The following UVRAG variants were observed in gnomAD, a reference collection of about 807,000 sequenced individuals.
UVRAG encodes UV radiation resistance-associated gene protein.
A neutral mutation model predicts 78.0 loss-of-function variants in UVRAG; 19 were observed. That is an observed-to-expected ratio of 0.24 (90% CI 0.17 to 0.36). The LOEUF (loss-of-function observed/expected upper bound fraction) is 0.36, where lower values mean the gene tolerates loss of function less well. Among genes scored for constraint, UVRAG ranks in the 10% least tolerant of loss-of-function variants. The pLI, the probability that UVRAG is intolerant of heterozygous loss-of-function variation, is 1.00. For missense variants in UVRAG, 740 were observed against 853.8 expected, an observed-to-expected ratio of 0.87 and a Z score of 1.66; for synonymous variants, 323 against 324.6, an observed-to-expected ratio of 1.00 and a Z score of 0.05.
chr11:76,102,273 C>T (rs949187984), intron 13 of UVRAG, among the ~76,000 whole-genome samples: 3 of 152,122 alleles, frequency 2.0e-5, no homozygotes, highest in South Asian at 4.1e-4. Flanking sequence ...TTTTAATTCT[C>T]CTACTAGAGA....
intron 6 of UVRAG, among the ~76,000 whole-genome samples, chr11:75,947,811 C>T (rs1357752928): frequency 2.0e-5 from 3 of 152,096 alleles, no homozygotes; most frequent in South Asian, 2.1e-4. Flanking sequence ...GGAATGATTA[C>T]GTCTATGGAT....
chr11:75,819,340 T>C (rs1221360407), intron 1 of UVRAG, among the ~76,000 whole-genome samples: 1 of 151,528 alleles, frequency 6.6e-6, no homozygotes. Context: ...TTTTTTACAC[T>C]TTTTTTTTGT....
At chr11:75,878,643 G>A (rs1197139443) in intron 3 of UVRAG, among the ~76,000 whole-genome samples, 1 of 152,206 alleles carries the variant, frequency 6.6e-6, no homozygotes, top group Non-Finnish European at 1.5e-5. Flanking sequence ...CGGATCACTC[G>A]CGGTTAGGAG....
chr11:76,076,769 A>C (rs1266315637), intron 13 of UVRAG, among the ~76,000 whole-genome samples: 1 of 152,014 alleles, frequency 6.6e-6, no homozygotes, highest in Non-Finnish European at 1.5e-5. Flanking sequence ...AGAAATAACT[A>C]TTCCAACCCT....
chr11:75,980,799 A>C (rs1442662768), intron 7 of UVRAG, among the ~76,000 whole-genome samples: 3 of 151,064 alleles, frequency 2.0e-5, no homozygotes, highest in African/African-American at 7.3e-5. Context: ...CTCCTGCCTC[A>C]GCCTCTCAAG....
At chr11:76,022,404 G>A (rs1050247882) in intron 12 of UVRAG, among the ~76,000 whole-genome samples, 11 of 152,192 alleles carry the variant, frequency 7.2e-5, no homozygotes, top group Admixed American at 5.9e-4. Context: ...TCAACTATTA[G>A]TGTAAAACTG....
intron 8 of UVRAG, among the ~76,000 whole-genome samples, chr11:75,993,868 G>A (rs1949658144): frequency 1.3e-5 from 2 of 152,152 alleles, no homozygotes; most frequent in Admixed American, 1.3e-4. Context: ...GGTGGAAGGT[G>A]AAGCCAGTAC....
intron 1 of UVRAG, among the ~76,000 whole-genome samples, chr11:75,829,272 G>A (rs538494727): frequency 6.6e-6 from 1 of 152,088 alleles, no homozygotes; most frequent in African/African-American, 2.4e-5. Flanking sequence ...GCAAATTAGT[G>A]CATTTTTTAA....
chr11:76,140,491 A>G lies in UVRAG; in HGVS notation c.1398-220A>G, dbSNP rs1952695920. Among the ~76,000 whole-genome samples the G allele has an allele frequency of 4.6e-5, 7 of 152,186 alleles. No individual in the cohort carries two copies. The South Asian group carries it at 1.5e-3, about 32-fold the overall frequency. On this transcript the variant is annotated intron_variant, in intron 14 of 14. Transcript: ENST00000356136. ...GGGCCCTCTTCTCTAAATATATTGCAGTGTGTCTGTATCCTGCTGGAAGGA... is the reference window on the plus strand; with the variant it reads ...GGGCCCTCTTCTCTAAATATATTGCGGTGTGTCTGTATCCTGCTGGAAGGA...
intron 6 of UVRAG, among the ~76,000 whole-genome samples, chr11:75,923,500 A>G (rs1359606821): frequency 1.3e-5 from 2 of 152,176 alleles, no homozygotes; most frequent in African/African-American, 4.8e-5. Flanking sequence ...CGCTGGGAAG[A>G]TGAAAGGTAT....
intron 12 of UVRAG, 116 bp downstream of exon 12, chr11:76,017,096 A>T: frequency 1.5e-6 from 1 of 647,890 alleles, no homozygotes; most frequent in Non-Finnish European, 2.3e-6. Flanking sequence ...TAACCTTTGT[A>T]GAGTGCCTCA....
intron 14 of UVRAG, among the ~76,000 whole-genome samples, chr11:76,136,950 T>G (rs530154702): frequency 1.1e-4 from 16 of 152,372 alleles, no homozygotes; most frequent in African/African-American, 3.6e-4. Flanking sequence ...CCTGTAAAAC[T>G]ATTGTAATAA....
chr11:76,106,339 A>C (rs954804302), intron 13 of UVRAG, among the ~76,000 whole-genome samples: 2 of 152,060 alleles, frequency 1.3e-5, no homozygotes, highest in African/African-American at 4.8e-5. Context: ...CCAAGATTGC[A>C]TCAAAGTCAA....
chr11:76,009,918 C>T (rs1237070846), intron 11 of UVRAG, among the ~76,000 whole-genome samples: 4 of 152,094 alleles, frequency 2.6e-5, no homozygotes, highest in African/African-American at 9.7e-5. Context: ...GTGAGGTATA[C>T]CAGTAGCTAT....
intron 12 of UVRAG, among the ~76,000 whole-genome samples, chr11:76,019,483 C>G (rs1229817022): frequency 6.6e-6 from 1 of 152,188 alleles, no homozygotes; most frequent in Non-Finnish European, 1.5e-5. Flanking sequence ...ACCTGTCTTT[C>G]TTGGGAAGGC....
At chr11:75,890,123 G>T (rs1006925100) in intron 5 of UVRAG, among the ~76,000 whole-genome samples, 1 of 152,212 alleles carries the variant, frequency 6.6e-6, no homozygotes. Context: ...TGGGGCTGGA[G>T]AGCTAGGCAG....
chr11:75,954,684 T>A (rs951878994), intron 6 of UVRAG, among the ~76,000 whole-genome samples: 2 of 152,242 alleles, frequency 1.3e-5, no homozygotes, highest in Non-Finnish European at 2.9e-5. Context: ...GTCCCTCCTT[T>A]GTGCCACATT....
chr11:76,059,714 G>A (rs77389830), intron 12 of UVRAG, among the ~76,000 whole-genome samples: 1,693 of 152,288 alleles, frequency 0.011, 32 homozygotes, highest in African/African-American at 0.039. Flanking sequence ...GCTTGGTGAA[G>A]CACTGCATAT....
At chr11:75,945,261 G>T (rs1029131853) in intron 6 of UVRAG, among the ~76,000 whole-genome samples, 4 of 152,056 alleles carry the variant, frequency 2.6e-5, no homozygotes, top group African/African-American at 9.7e-5. Flanking sequence ...TCTGAGGAAG[G>T]AAAGGGAGTA....
Sources: allele counts gnomAD v4.1 joint callset (sites outside exome capture counted in the v4.1 genomes callset), GRCh38; gene constraint gnomAD v4.1.1; transcripts MANE v1.5; gene names NCBI Gene and HGNC (gene_info 2026-07-23, HGNC 2026-07-21).